The following DLG2 variants were observed in gnomAD, a reference collection of about 807,000 sequenced individuals.
DLG2 encodes the protein discs large MAGUK scaffold protein 2, also known as disks large homolog 2.
DLG2 carries 45 observed loss-of-function variants against 132.5 expected under a neutral mutation model. That is an observed-to-expected ratio of 0.34 (90% CI 0.27 to 0.44). DLG2 has a LOEUF of 0.44. Ranked by LOEUF, DLG2 falls within the 20% of genes least tolerant of loss-of-function variation. The probability of loss-of-function intolerance (pLI) is 1.00; values close to 1 mark genes in which losing one functional copy is unlikely to be tolerated. For missense variants in DLG2, 1,045 were observed against 1,196.9 expected, an observed-to-expected ratio of 0.87 and a Z score of 1.87; for synonymous variants, 424 against 419.6, an observed-to-expected ratio of 1.01 and a Z score of -0.13.
At chr11:84,513,468 G>T (rs1051370405) in intron 7 of DLG2, among the ~76,000 whole-genome samples, 10 of 151,932 alleles carry the variant, frequency 6.6e-5, no homozygotes, top group African/African-American at 2.4e-4. Flanking sequence ...AAAAAAGCAT[G>T]GTATTGGCAT....
At chr11:85,257,782 C>A (rs991867847) in intron 4 of DLG2, among the ~76,000 whole-genome samples, 1 of 152,050 alleles carries the variant, frequency 6.6e-6, no homozygotes, top group Non-Finnish European at 1.5e-5. Flanking sequence ...ACAACTTCTC[C>A]ATAAGAATGA....
intron 18 of DLG2, among the ~76,000 whole-genome samples, chr11:83,669,898 G>A (rs1297505436): frequency 6.6e-6 from 1 of 152,222 alleles, no homozygotes; most frequent in Non-Finnish European, 1.5e-5. Context: ...CAAGCCAAAG[G>A]AAGAGCTATG....
chr11:85,489,075 A>C (rs1264546383), intron 3 of DLG2, among the ~76,000 whole-genome samples: 2 of 152,214 alleles, frequency 1.3e-5, no homozygotes, highest in African/African-American at 4.8e-5. Context: ...CTCATATATC[A>C]GTATTAACCT....
intron 6 of DLG2, among the ~76,000 whole-genome samples, chr11:84,728,571 C>A (rs959036687): frequency 1.3e-4 from 20 of 152,054 alleles, no homozygotes; most frequent in African/African-American, 4.6e-4. Context: ...TATGTCTCTG[C>A]CAGGTGTTGG....
intron 7 of DLG2, among the ~76,000 whole-genome samples, chr11:84,346,168 C>T (rs2098538422): frequency 6.6e-6 from 1 of 152,184 alleles, no homozygotes; most frequent in Admixed American, 6.5e-5. Context: ...CTTCAAGGCT[C>T]TCAGTTAAGT....
At chr11:85,559,270 G>C (rs1034342551) in intron 3 of DLG2, among the ~76,000 whole-genome samples, 4 of 150,646 alleles carry the variant, frequency 2.7e-5, no homozygotes, top group Admixed American at 6.6e-5. Flanking sequence ...TCCTGCCTCA[G>C]CCTCCCGAGT....
At chr11:85,587,018 T>C (rs1050455650) in intron 3 of DLG2, among the ~76,000 whole-genome samples, 3 of 152,174 alleles carry the variant, frequency 2.0e-5, no homozygotes, top group Admixed American at 6.5e-5. Context: ...AGGGTTCCTT[T>C]TGGAGTTAAT....
intron 8 of DLG2, among the ~76,000 whole-genome samples, chr11:84,181,620 T>C (rs531658146): frequency 1.3e-5 from 2 of 152,236 alleles, no homozygotes; most frequent in South Asian, 4.2e-4. Flanking sequence ...TGACTGTATG[T>C]TGTCTACAAG....
Position 83,753,772 on chromosome 11 carries a change from TGGC to T in DLG2, c.1825+32915_1825+32917del, listed in dbSNP as rs1359530679. Among the ~76,000 whole-genome samples the T allele has an allele frequency of 1.2e-4, 16 of 137,798 alleles. 1 individual carries two copies. The highest frequency in any genetic ancestry group is 3.9e-4 in the African/African-American group (14 of 35,530). The allele number at this position is 137,798 out of a possible 152,430, so 90.4% of individuals were successfully genotyped here. On this transcript the variant is annotated intron_variant, in intron 18 of 27. Coordinates refer to ENST00000376104, the MANE Select transcript of DLG2 (RefSeq NM_001142699.3). ...TTTCATATATGTAATATATATGATA[TGGC>T]ATATATATGTCATATATATGATATA...
intron 6 of DLG2, among the ~76,000 whole-genome samples, chr11:84,918,071 G>A (rs2092575830): frequency 6.6e-6 from 1 of 152,172 alleles, no homozygotes; most frequent in Admixed American, 6.5e-5. Context: ...CTAGCAAAGA[G>A]TAGGTGTCAG....
intron 11 of DLG2, among the ~76,000 whole-genome samples, chr11:83,987,542 G>A (rs957822263): frequency 9.9e-5 from 15 of 152,088 alleles, no homozygotes; most frequent in East Asian, 3.9e-4. Context: ...AAATAATACC[G>A]CATATCTACA....
intron 6 of DLG2, among the ~76,000 whole-genome samples, chr11:85,100,576 A>T (rs2070707412): frequency 6.6e-6 from 1 of 152,154 alleles, no homozygotes; most frequent in South Asian, 2.1e-4. Context: ...ATCTACACTG[A>T]AAAGCCCAAG....
intron 6 of DLG2, among the ~76,000 whole-genome samples, chr11:84,775,977 G>C (rs953667309): frequency 1.3e-5 from 2 of 152,104 alleles, no homozygotes; most frequent in Admixed American, 1.3e-4. Context: ...GAGCTCTTTT[G>C]TTTGTTTCAA....
chr11:84,209,860 A>G (rs1597468388), intron 8 of DLG2, among the ~76,000 whole-genome samples: 2 of 152,346 alleles, frequency 1.3e-5, no homozygotes, highest in East Asian at 3.9e-4. Flanking sequence ...CTGCTGGTGC[A>G]AATGTAGACT....
intron 3 of DLG2, among the ~76,000 whole-genome samples, chr11:85,288,387 C>A (rs141934336): frequency 1.3e-5 from 2 of 151,736 alleles, no homozygotes; most frequent in Non-Finnish European, 2.9e-5. Context: ...TTTTTAATAA[C>A]ATACGGGCTG....
At chr11:85,008,135 T>G (rs1472095576) in intron 6 of DLG2, among the ~76,000 whole-genome samples, 1 of 152,194 alleles carries the variant, frequency 6.6e-6, no homozygotes. Context: ...GTTAGGTTTC[T>G]GCCATGAAAT....
At chr11:84,080,547 G>A (rs930010929) in intron 10 of DLG2, among the ~76,000 whole-genome samples, 1 of 152,080 alleles carries the variant, frequency 6.6e-6, no homozygotes, top group Non-Finnish European at 1.5e-5. Context: ...TAAAATACAT[G>A]TTACATTATT....
At chr11:85,064,330 G>T (rs957908423) in intron 6 of DLG2, among the ~76,000 whole-genome samples, 2 of 151,680 alleles carry the variant, frequency 1.3e-5, no homozygotes, top group Non-Finnish European at 3.0e-5. Flanking sequence ...ACACTGAAAG[G>T]TCACTATAAA....
chr11:84,545,751 C>CT (rs35596423), intron 6 of DLG2: 10,665 of 106,740 alleles, frequency 0.1, 635 homozygotes, highest in Middle Eastern at 0.15. Context: ...AGGTGATGTT[C>CT]TTTTTTTTTT....
Sources: allele counts gnomAD v4.1 joint callset (sites outside exome capture counted in the v4.1 genomes callset), GRCh38; gene constraint gnomAD v4.1.1; transcripts MANE v1.5; gene names NCBI Gene and HGNC (gene_info 2026-07-23, HGNC 2026-07-21).